WHRN: variants seen among roughly 807,000 people sequenced by gnomAD.
WHRN encodes the protein CASK-interacting protein CIP98.
Under a neutral mutation model 68.3 loss-of-function variants are expected in WHRN, and 41 were observed. The observed-to-expected ratio is 0.60, with a 90% CI of 0.47 to 0.78. WHRN has a LOEUF of 0.78. Ranked by LOEUF, WHRN falls within the 30% of genes least tolerant of loss-of-function variation. The probability of loss-of-function intolerance (pLI) is 0.00; values close to 1 mark genes in which losing one functional copy is unlikely to be tolerated. For missense variants in WHRN, 1,243 were observed against 1,244.7 expected, an observed-to-expected ratio of 1.00 and a Z score of 0.02; for synonymous variants, 560 against 561.3, an observed-to-expected ratio of 1.00 and a Z score of 0.03.
At chr9:114,492,327 C>G (rs544098768) in intron 1 of WHRN, among the ~76,000 whole-genome samples, 4 of 152,220 alleles carry the variant, frequency 2.6e-5, no homozygotes, top group Middle Eastern at 6.8e-3. Context: ...GATGAATGTG[C>G]AGGGATGTCT....
At chr9:114,447,841 A>G (rs1240927256) in intron 3 of WHRN, among the ~76,000 whole-genome samples, 2 of 152,096 alleles carry the variant, frequency 1.3e-5, no homozygotes, top group African/African-American at 4.8e-5. Context: ...TGCATTTTAA[A>G]CTGCCCAATC....
chr9:114,473,741 G>A lies in WHRN; in HGVS notation c.837+4812C>T, dbSNP rs77945148. Among the ~76,000 whole-genome samples the A allele has an allele frequency of 1.8e-3, 279 of 152,286 alleles. 4 individuals are homozygous for A. In the South Asian group the frequency reaches 0.031, roughly 17 times the overall value. The stretch of plus-strand genomic sequence containing the variant: ...AGAAGTGTAAGTGTGGTATGTGGAA[G>A]CAATAGAAGCAGGAGACGCAGGCCG... On this transcript the variant is annotated intron_variant, in intron 2 of 11. Transcript: ENST00000362057.
chr9:114,502,171 C>T (rs190712672), intron 1 of WHRN, among the ~76,000 whole-genome samples: 95 of 152,264 alleles, frequency 6.2e-4, no homozygotes, highest in Middle Eastern at 6.8e-3. Context: ...GGTTATGTGT[C>T]CCGCCATGGC....
chr9:114,451,694 C>T (rs1177059688), intron 3 of WHRN, among the ~76,000 whole-genome samples: 1 of 151,990 alleles, frequency 6.6e-6, no homozygotes, highest in South Asian at 2.1e-4. Context: ...CTGAGAACCA[C>T]TTCACAAAGA....
At chr9:114,448,639 G>T (rs985078693) in intron 3 of WHRN, among the ~76,000 whole-genome samples, 1 of 152,104 alleles carries the variant, frequency 6.6e-6, no homozygotes, top group Non-Finnish European at 1.5e-5. Context: ...CCCCTGGAAA[G>T]CCCCCCTAAG....
Position 114,406,496 on chromosome 9 carries a change from C to T in WHRN, c.2095G>A (p.Ala699Thr). The change falls in exon 9 of 12, where the codon GCT becomes ACT. Residue 699 changes from alanine (A) to threonine (T), a missense_variant. Transcript: ENST00000362057. ...GATGGGGGCAGAAGGCAGCCCCCAG[C>T]CACTGTGGCCTCTGCAGAGGGGCTT... Reference protein sequence around the residue: ...LKSPSAEATVAGGCLLPPSPS... With the variant: ...LKSPSAEATVTGGCLLPPSPS... The T allele has an allele frequency of 6.2e-7, 1 of 1,614,180 alleles. No homozygotes were observed. The highest frequency in any genetic ancestry group is 8.5e-7 in the Non-Finnish European group (1 of 1,180,046).
intron 1 of WHRN, among the ~76,000 whole-genome samples, chr9:114,488,240 G>A (rs1352162197): frequency 6.6e-6 from 1 of 152,180 alleles, no homozygotes; most frequent in Non-Finnish European, 1.5e-5. Flanking sequence ...AACTGAATGA[G>A]GGCCAATGAG....
intron 4 of WHRN, chr9:114,425,908 G>A (rs900989149): frequency 4.5e-6 from 2 of 447,412 alleles, no homozygotes; most frequent in African/African-American, 4.0e-5. Flanking sequence ...GATCTGGGAT[G>A]AGGGCAGGGT....
rs114015211 is a variant in WHRN, at chr9:114,452,848, G to A, written c.963+13419C>T. ...CCATTTCACACATGGGGATGCTGAG[G>A]GCCAGAAGGAAGGAAAGGACTGGCT... On this transcript the variant is annotated intron_variant, in intron 3 of 11. Transcript: ENST00000362057. 4.3e-3 allele frequency among the ~76,000 whole-genome samples: 655 copies of A among 152,288 alleles called. 2 individuals carry two copies. The highest frequency in any genetic ancestry group is 0.015 in the African/African-American group (614 of 41,574).
intron 3 of WHRN, among the ~76,000 whole-genome samples, chr9:114,431,199 C>T (rs952329649): frequency 1.2e-4 from 19 of 152,152 alleles, no homozygotes; most frequent in Non-Finnish European, 2.2e-4. Flanking sequence ...GCTGAGTGGC[C>T]CCGCACAGCT....
chr9:114,458,001 C>T (rs1353122939), intron 3 of WHRN, among the ~76,000 whole-genome samples: 1 of 151,806 alleles, frequency 6.6e-6, no homozygotes. Context: ...CAGTGTACTT[C>T]ATAATTATAA....
At chr9:114,403,395 G>A in intron 10 of WHRN, 56 bp from the exon 11 acceptor site, 1 of 1,611,886 alleles carries the variant, frequency 6.2e-7, no homozygotes, top group Non-Finnish European at 8.5e-7. Flanking sequence ...GGCCTGGCCA[G>A]GGGGCTGGGC....
At chr9:114,500,683 G>A (rs889136971) in intron 1 of WHRN, among the ~76,000 whole-genome samples, 7 of 152,258 alleles carry the variant, frequency 4.6e-5, no homozygotes, top group Admixed American at 2.6e-4. Context: ...TTCTGCTACC[G>A]CATAACCAGG....
In WHRN at chr9:114,439,703, C is replaced by A. The variant is rs145791513; in HGVS notation, c.964-13290G>T. Among the ~76,000 whole-genome samples the A allele has an allele frequency of 2.7e-3, 416 of 152,168 alleles. 6 individuals carry two copies. The highest frequency in any genetic ancestry group is 9.6e-3 in the African/African-American group (399 of 41,482). On this transcript the variant is annotated intron_variant, in intron 3 of 11. Coordinates refer to ENST00000362057, the MANE Select transcript of WHRN (RefSeq NM_015404.4). ...TATATGTATACAGTTGACCCTTGAA[C>A]AATATGGGTTTAAACTGTGTAGGTA...
rs575097394 is a variant in WHRN, at chr9:114,409,434, A to G, written c.1627-1416T>C. On this transcript the variant is annotated intron_variant, in intron 7 of 11. Transcript: ENST00000362057. Reference sequence around the variant, plus strand: ...AACTCAAAGCTAGGTCTTATGAGTGAGCAGAGCAAAGAAGGGAACGATAGG... The same window carrying G: ...AACTCAAAGCTAGGTCTTATGAGTGGGCAGAGCAAAGAAGGGAACGATAGG... 4.6e-5 allele frequency among the ~76,000 whole-genome samples: 7 copies of G among 152,370 alleles called. No individual in the cohort carries two copies. In the South Asian group the frequency reaches 1.2e-3, roughly 27 times the overall value.
chr9:114,479,504 T>C (rs991788047), intron 1 of WHRN, among the ~76,000 whole-genome samples: 7 of 152,212 alleles, frequency 4.6e-5, no homozygotes, highest in African/African-American at 1.7e-4. Context: ...TTAGCCTTTC[T>C]AGAGAATCAC....
intron 7 of WHRN, among the ~76,000 whole-genome samples, chr9:114,414,512 G>A (rs2132270689): frequency 6.6e-6 from 1 of 152,326 alleles, no homozygotes; most frequent in South Asian, 2.1e-4. Context: ...CTTTGTCCAA[G>A]TTCCCCTTTG....
chr9:114,492,179 G>A (rs1459931958), intron 1 of WHRN, among the ~76,000 whole-genome samples: 3 of 152,096 alleles, frequency 2.0e-5, no homozygotes, highest in Admixed American at 2.0e-4. Flanking sequence ...ACGCTGGTGG[G>A]AGGGAATATA....
chr9:114,486,370 C>T (rs986208061), intron 1 of WHRN, among the ~76,000 whole-genome samples: 4 of 152,188 alleles, frequency 2.6e-5, no homozygotes, highest in African/African-American at 7.2e-5. Flanking sequence ...GATTGTGCTG[C>T]CGTCTATACC....
Sources: allele counts gnomAD v4.1 joint callset (sites outside exome capture counted in the v4.1 genomes callset), GRCh38; gene constraint gnomAD v4.1.1; transcripts MANE v1.5; gene names NCBI Gene and HGNC (gene_info 2026-07-23, HGNC 2026-07-21).